Variants in PPP2R5A observed in about 807,000 individuals in gnomAD.
PPP2R5A encodes the protein protein phosphatase 2 regulatory subunit B'alpha, also known as serine/threonine-protein phosphatase 2A 56 kDa regulatory subunit alpha isoform.
In PPP2R5A, 25 loss-of-function variants were observed where a neutral mutation model predicts 64.2. The observed-to-expected ratio is 0.39, with a 90% confidence interval of 0.28 to 0.54. The LOEUF (loss-of-function observed/expected upper bound fraction) is 0.54. PPP2R5A is among the 20% of genes least tolerant of loss of function. The pLI, the probability that PPP2R5A is intolerant of heterozygous loss-of-function variation, is 0.67. For missense variants in PPP2R5A, 425 were observed against 576.3 expected (o/e 0.74, Z 2.69); for synonymous variants, 198 against 201.2 (o/e 0.98, Z 0.13).
intron 7 of PPP2R5A, 36 bp from the exon 8 acceptor site, chr1:212,349,153 C>G (rs774024584): frequency 1.5e-6 from 2 of 1,354,710 alleles, no homozygotes; most frequent in Admixed American, 4.8e-5. Flanking sequence ...TAAATGTTAT[C>G]TCACTAATAT....
intron 1 of PPP2R5A, among the ~76,000 whole-genome samples, chr1:212,324,943 T>C (rs951077975): frequency 7.2e-5 from 11 of 152,184 alleles, no homozygotes; most frequent in Non-Finnish European, 1.6e-4. Context: ...TAATAATTCA[T>C]TATTTATGTC....
chr1:212,346,030 C>T lies in PPP2R5A; in HGVS notation c.704+97C>T, dbSNP rs890362583. Reference sequence around the variant, plus strand: ...TTTATTTGTTTTTTTGAGACAGGGTCTCACTCTGTCATCCAGGCTGGAGTG... The same window carrying T: ...TTTATTTGTTTTTTTGAGACAGGGTTTCACTCTGTCATCCAGGCTGGAGTG... On this transcript the variant is annotated intron_variant, in intron 5 of 12. Transcript: ENST00000261461. 3.3e-6 allele frequency: 4 copies of T among 1,208,200 alleles called. No homozygotes were observed. The African/African-American group carries it at 6.3e-5, about 19-fold the overall frequency. The allele number at this position is 1,208,200 out of a possible 1,614,324, so 74.8% of individuals were successfully genotyped here.
At chr1:212,345,365 C>G (rs777649037) in intron 4 of PPP2R5A, among the ~76,000 whole-genome samples, 3 of 151,996 alleles carry the variant, frequency 2.0e-5, no homozygotes, top group Non-Finnish European at 2.9e-5. Flanking sequence ...TTCTAGTAAA[C>G]TAGAAATATA....
chr1:212,316,105 C>T (rs1265077044), intron 1 of PPP2R5A, among the ~76,000 whole-genome samples: 1 of 152,156 alleles, frequency 6.6e-6, no homozygotes, highest in African/African-American at 2.4e-5. Context: ...CAATTAAATA[C>T]CTCTGCAATG....
intron 3 of PPP2R5A, among the ~76,000 whole-genome samples, chr1:212,340,553 G>T (rs997103431): frequency 6.6e-6 from 1 of 152,146 alleles, no homozygotes; most frequent in East Asian, 1.9e-4. Flanking sequence ...CTTTTTGCAC[G>T]TGTATACCCC....
At chr1:212,286,632 C>T (rs73080566) in intron 1 of PPP2R5A, among the ~76,000 whole-genome samples, 6 of 152,128 alleles carry the variant, frequency 3.9e-5, no homozygotes, top group Admixed American at 2.6e-4. Context: ...TTTGCCCTTT[C>T]CCGGTCTTGC....
chr1:212,316,649 T>A (rs1659161072), intron 1 of PPP2R5A, among the ~76,000 whole-genome samples: 1 of 145,806 alleles, frequency 6.9e-6, no homozygotes, highest in Non-Finnish European at 1.5e-5. Flanking sequence ...CCTGGGCATC[T>A]GAATTTTCAG....
At position 212,305,686 on chromosome 1, in the gene PPP2R5A, CTT is replaced by C. The variant is rs1158102543; in HGVS notation, c.181+19397_181+19398del. ...TTGCTTTTGAATTTTCTATTTCTCTCTTTGTTTCTGTCAGTTTTTCTTCATAT... is the reference window on the plus strand; with the variant it reads ...TTGCTTTTGAATTTTCTATTTCTCTCTGTTTCTGTCAGTTTTTCTTCATAT... On this transcript the variant is annotated intron_variant, in intron 1 of 12. Transcript: ENST00000261461. Among the ~76,000 whole-genome samples, 5 of 152,014 alleles carry C rather than the reference CTT, an allele frequency of 3.3e-5. No homozygotes were observed. The East Asian group carries it at 9.6e-4, about 29-fold the overall frequency.
At position 212,342,331 on chromosome 1, in the gene PPP2R5A, T is replaced by A. The variant is rs1407336810; in HGVS notation, c.573+51T>A. On this transcript the variant is annotated intron_variant, in intron 4 of 12. Coordinates refer to ENST00000261461, the MANE Select transcript of PPP2R5A (RefSeq NM_006243.4). ...CTCATATATTCATCTTAGCAATGAT[T>A]TATTAACTTATTATTAAAATAGTGT... 3 of 1,567,242 alleles carry A rather than the reference T, an allele frequency of 1.9e-6. No homozygotes were observed. In the Admixed American group the frequency reaches 5.7e-5, roughly 30 times the overall value.
rs1659542601 is a variant in PPP2R5A at position 212,333,489 on chromosome 1, C to G, written c.379-8C>G. On this transcript the variant is annotated splice_region_variant and splice_polypyrimidine_tract_variant and intron_variant, in intron 2 of 12. Transcript: ENST00000261461. Reference sequence around the variant, plus strand: ...AACAACGAACGTAAAATTATTTTTTCTTTACAGATCAGTGCTAACATCTTC... The same window carrying G: ...AACAACGAACGTAAAATTATTTTTTGTTTACAGATCAGTGCTAACATCTTC... 6.8e-7 allele frequency: 1 copy of G among 1,476,478 alleles called. No homozygotes were observed. Among genetic ancestry groups the G allele is most frequent in the Non-Finnish European group, 9.1e-7 (1 of 1,095,588 alleles). The allele number at this position is 1,476,478 out of a possible 1,614,324, so 91.5% of individuals were successfully genotyped here.
chr1:212,349,680 G>A (rs1286932207), intron 8 of PPP2R5A, among the ~76,000 whole-genome samples: 1 of 152,154 alleles, frequency 6.6e-6, no homozygotes, highest in Non-Finnish European at 1.5e-5. Context: ...GATAGGGATA[G>A]AAAACATTTC....
intron 3 of PPP2R5A, among the ~76,000 whole-genome samples, chr1:212,336,806 C>G (rs1413889698): frequency 6.6e-6 from 1 of 152,058 alleles, no homozygotes; most frequent in East Asian, 1.9e-4. Context: ...TGTGCTTAAC[C>G]CACCTGGAAT....
chr1:212,346,002 ATTTTT>A, intron 5 of PPP2R5A, 69 bp downstream of exon 5: 1 of 1,451,920 alleles, frequency 6.9e-7, no homozygotes. Context: ...AAGTTCTTTT[ATTTTT>A]ATTTGTTTTT....
intron 3 of PPP2R5A, among the ~76,000 whole-genome samples, chr1:212,337,438 A>G (rs1659609333): frequency 6.6e-6 from 1 of 152,146 alleles, no homozygotes; most frequent in South Asian, 2.1e-4. Flanking sequence ...TTTAGGGATT[A>G]GAAGGCTTTT....
At chr1:212,290,776 GTAGTATGT>G (rs1250147501) in intron 1 of PPP2R5A, among the ~76,000 whole-genome samples, 1 of 152,164 alleles carries the variant, frequency 6.6e-6, no homozygotes, top group Non-Finnish European at 1.5e-5. Flanking sequence ...TGCAACCATT[GTAGTATGT>G]TACTGTCATG....
At chr1:212,309,002 T>C in intron 1 of PPP2R5A, 2 of 683,028 alleles carry the variant, frequency 2.9e-6, no homozygotes, top group Non-Finnish European at 5.2e-6. Flanking sequence ...TCTTCTTTTT[T>C]TATGGTGAAA....
chr1:212,343,108 C>T (rs960003385), intron 4 of PPP2R5A, among the ~76,000 whole-genome samples: 5 of 147,212 alleles, frequency 3.4e-5, no homozygotes, highest in Admixed American at 6.8e-5. Context: ...CCACCATGCC[C>T]GGCTGATTTT....
At chr1:212,356,922 T>G (rs914492197) in intron 9 of PPP2R5A, 28 bp from the exon 10 acceptor site, 1 of 1,471,990 alleles carries the variant, frequency 6.8e-7, no homozygotes, top group African/African-American at 1.4e-5. Flanking sequence ...TTTATCATGT[T>G]TCTTAAAATA....
intron 1 of PPP2R5A, among the ~76,000 whole-genome samples, chr1:212,306,389 G>A (rs2102417282): frequency 6.6e-6 from 1 of 152,112 alleles, no homozygotes; most frequent in South Asian, 2.1e-4. Flanking sequence ...AAAAATAAAA[G>A]ATTGATCAGA....
Sources: gnomAD v4.1 joint callset for allele counts (sites outside exome capture counted in the v4.1 genomes callset) on GRCh38, gnomAD v4.1.1 for gene constraint, MANE v1.5 for transcripts, NCBI Gene and HGNC (gene_info 2026-07-23, HGNC 2026-07-21) for gene names.